SYNPR: variants seen among roughly 807,000 people sequenced by gnomAD.
SYNPR encodes the protein synaptoporin.
A neutral mutation model predicts 32.9 loss-of-function variants in SYNPR; 23 were observed. That is an observed-to-expected ratio of 0.70 (90% CI 0.50 to 0.99). SYNPR has a LOEUF of 0.99. SYNPR is among the 50% of genes least tolerant of loss of function. The probability of loss-of-function intolerance (pLI) is 0.00; values close to 1 mark genes in which losing one functional copy is unlikely to be tolerated. For missense variants in SYNPR, 318 were observed against 349.3 expected (o/e 0.91, Z 0.71); for synonymous variants, 146 against 135.9 (o/e 1.07, Z -0.52).
intron 2 of SYNPR, among the ~76,000 whole-genome samples, chr3:63,373,501 CCAGACTAACT>C (rs1421322959): frequency 4.3e-4 from 65 of 152,106 alleles, no homozygotes; most frequent in African/African-American, 1.5e-3. Flanking sequence ...GACTTGCTCT[CCAGACTAACT>C]CAGTCAGAGA....
At chr3:63,477,357 G>A (rs993647665) in intron 2 of SYNPR, among the ~76,000 whole-genome samples, 4 of 152,144 alleles carry the variant, frequency 2.6e-5, no homozygotes, top group African/African-American at 9.7e-5. Flanking sequence ...TACAGACATC[G>A]TATGTTCAAT....
At chr3:63,327,982 G>C (rs1285441498) in intron 2 of SYNPR, among the ~76,000 whole-genome samples, 2 of 152,182 alleles carry the variant, frequency 1.3e-5, no homozygotes, top group Middle Eastern at 3.4e-3. Flanking sequence ...GAAAAAGCAG[G>C]ACAAAGTAAA....
chr3:63,331,028 C>T (rs1448631023), intron 2 of SYNPR, among the ~76,000 whole-genome samples: 1 of 152,186 alleles, frequency 6.6e-6, no homozygotes, highest in Admixed American at 6.5e-5. Flanking sequence ...AACTCTGATT[C>T]TTCATCATCA....
chr3:63,417,620 C>G (rs543798526), intron 2 of SYNPR, among the ~76,000 whole-genome samples: 1 of 152,240 alleles, frequency 6.6e-6, no homozygotes, highest in African/African-American at 2.4e-5. Context: ...CCTGGACATC[C>G]AGGCATTTCC....
At chr3:63,263,438 T>C (rs939565607) in intron 2 of SYNPR, among the ~76,000 whole-genome samples, 1 of 152,234 alleles carries the variant, frequency 6.6e-6, no homozygotes, top group African/African-American at 2.4e-5. Flanking sequence ...TCTCATTTAA[T>C]CTTTATGCCA....
intron 3 of SYNPR, among the ~76,000 whole-genome samples, chr3:63,496,384 C>T (rs1355729934): frequency 6.6e-6 from 1 of 152,026 alleles, no homozygotes; most frequent in Non-Finnish European, 1.5e-5. Flanking sequence ...CATAGCTATA[C>T]TATAATTTCT....
At chr3:63,424,649 T>A (rs980842607) in intron 2 of SYNPR, among the ~76,000 whole-genome samples, 1 of 152,248 alleles carries the variant, frequency 6.6e-6, no homozygotes, top group Admixed American at 6.5e-5. Flanking sequence ...TTAAAAAAAA[T>A]AAACAAGCTT....
intron 2 of SYNPR, among the ~76,000 whole-genome samples, chr3:63,260,452 C>G (rs1312587776): frequency 6.6e-6 from 1 of 151,924 alleles, no homozygotes; most frequent in Non-Finnish European, 1.5e-5. Flanking sequence ...ACAAACCTGA[C>G]AAAACAAGAA....
At chr3:63,440,003 G>A (rs746656962) in intron 2 of SYNPR, among the ~76,000 whole-genome samples, 17 of 152,110 alleles carry the variant, frequency 1.1e-4, no homozygotes, top group African/African-American at 2.2e-4. Flanking sequence ...TTTTGTGGAC[G>A]TCTTAGTAAA....
intron 2 of SYNPR, among the ~76,000 whole-genome samples, chr3:63,464,405 T>C (rs950184750): frequency 1.3e-5 from 2 of 152,232 alleles, no homozygotes. Flanking sequence ...GCATTCTTTG[T>C]AATTCTTAAT....
At position 63,533,870 on chromosome 3, in the gene SYNPR, A is replaced by G. The variant is rs1363983759; in HGVS notation, c.210-22673A>G. ...GTCTCTCCAAGAGATGTGATTTCCCAAAAGGAAATCAAGGTGCCATTAACA... is the reference window on the plus strand; with the variant it reads ...GTCTCTCCAAGAGATGTGATTTCCCGAAAGGAAATCAAGGTGCCATTAACA... On this transcript the variant is annotated intron_variant, in intron 3 of 5. Coordinates refer to ENST00000478300, the MANE Select transcript of SYNPR (RefSeq NM_001130003.2). Among the ~76,000 whole-genome samples, 3 of 152,326 alleles carry G rather than the reference A, an allele frequency of 2.0e-5. No individual in the cohort carries two copies. The East Asian group carries it at 5.8e-4, about 29-fold the overall frequency.
chr3:63,479,446 G>GTGCA (rs1553640030), intron 2 of SYNPR, among the ~76,000 whole-genome samples: 1 of 135,742 alleles, frequency 7.4e-6, no homozygotes, highest in African/African-American at 3.0e-5. Context: ...CCACACACAT[G>GTGCA]CACACACACA....
the SYNPR span, among the ~76,000 whole-genome samples, chr3:63,216,852 G>C: frequency 3.9e-5 from 2 of 50,872 alleles, 1 homozygote; most frequent in African/African-American, 1.3e-4. Flanking sequence ...ATCTGCTTTT[G>C]GTCTTAGATG....
chr3:63,303,429 G>A (rs544203033), intron 2 of SYNPR, among the ~76,000 whole-genome samples: 5 of 151,914 alleles, frequency 3.3e-5, no homozygotes, highest in African/African-American at 9.7e-5. Flanking sequence ...AAATGAACAC[G>A]TCAGTACCTG....
intron 2 of SYNPR, among the ~76,000 whole-genome samples, chr3:63,291,020 T>C (rs1410067368): frequency 6.6e-6 from 1 of 152,174 alleles, no homozygotes; most frequent in African/African-American, 2.4e-5. Flanking sequence ...AAACCCATGA[T>C]CTGAGTGAAG....
intron 2 of SYNPR, among the ~76,000 whole-genome samples, chr3:63,375,357 A>G (rs886158280): frequency 4.6e-5 from 7 of 152,166 alleles, no homozygotes; most frequent in East Asian, 1.9e-4. Flanking sequence ...TTAAGAAAAC[A>G]TGGCACATAT....
rs143305105 is a variant in SYNPR at position 63,444,698 on chromosome 3, C to G, written c.85-36134C>G. Among the ~76,000 whole-genome samples, 221 of 152,178 alleles carry G rather than the reference C, an allele frequency of 1.5e-3. 3 individuals are homozygous for G. The East Asian group carries it at 0.033, about 23-fold the overall frequency. ...CTCAGAATGCCTGTCTGGGAGTGCACTAACCTTCATATCTACTCCCTTTTG... is the reference window on the plus strand; with the variant it reads ...CTCAGAATGCCTGTCTGGGAGTGCAGTAACCTTCATATCTACTCCCTTTTG... On this transcript the variant is annotated intron_variant, in intron 2 of 5. Coordinates refer to ENST00000478300, the MANE Select transcript of SYNPR (RefSeq NM_001130003.2).
At chr3:63,585,563 G>A (rs937888616) in intron 4 of SYNPR, among the ~76,000 whole-genome samples, 4 of 151,576 alleles carry the variant, frequency 2.6e-5, no homozygotes, top group African/African-American at 4.8e-5. Flanking sequence ...ACACATACAC[G>A]TAAGCTTTAT....
intron 2 of SYNPR, among the ~76,000 whole-genome samples, chr3:63,455,700 TA>T (rs35955073): frequency 6.6e-6 from 1 of 151,608 alleles, no homozygotes; most frequent in Non-Finnish European, 1.5e-5. Context: ...TAAATAAGCC[TA>T]AAAAAGTCCC....
Sources: gnomAD v4.1 joint callset for allele counts (sites outside exome capture counted in the v4.1 genomes callset) on GRCh38, gnomAD v4.1.1 for gene constraint, MANE v1.5 for transcripts, NCBI Gene and HGNC (gene_info 2026-07-23, HGNC 2026-07-21) for gene names.